Variants in PTPRD observed in about 807,000 individuals in gnomAD.
PTPRD encodes the protein receptor-type tyrosine-protein phosphatase delta.
In PTPRD, 34 loss-of-function variants were observed where a neutral mutation model predicts 214.5. The ratio of observed to expected loss-of-function variants is 0.16; its 90% confidence interval spans 0.12 to 0.21. The LOEUF (loss-of-function observed/expected upper bound fraction) is 0.21. Among genes scored for constraint, PTPRD ranks in the 10% least tolerant of loss-of-function variants. The pLI, the probability that PTPRD is intolerant of heterozygous loss-of-function variation, is 1.00. For missense variants in PTPRD, 2,545 were observed against 2,398.7 expected (o/e 1.06, Z -1.27); for synonymous variants, 1,128 against 845.7 (o/e 1.33, Z -5.79).
intron 37 of PTPRD, among the ~76,000 whole-genome samples, chr9:8,387,327 A>C (rs940632676): frequency 6.6e-6 from 1 of 152,188 alleles, no homozygotes; most frequent in African/African-American, 2.4e-5. Context: ...GCTCATTACC[A>C]TCAGATGTTG....
chr9:9,536,228 A>G (rs2154268287), intron 8 of PTPRD, among the ~76,000 whole-genome samples: 1 of 152,120 alleles, frequency 6.6e-6, no homozygotes, highest in Non-Finnish European at 1.5e-5. Flanking sequence ...GCTTAAGGAC[A>G]GGGAATCTTA....
chr9:9,713,589 A>T (rs1484493437), intron 7 of PTPRD, among the ~76,000 whole-genome samples: 1 of 152,218 alleles, frequency 6.6e-6, no homozygotes, highest in Admixed American at 6.6e-5. Context: ...ATTTTGAGAC[A>T]TTATGCAAGA....
intron 7 of PTPRD, among the ~76,000 whole-genome samples, chr9:9,584,597 C>A (rs2091570330): frequency 6.6e-6 from 1 of 151,872 alleles, no homozygotes; most frequent in African/African-American, 2.4e-5. Flanking sequence ...ACTTCAACTT[C>A]GTTATTCTAC....
Position 9,949,494 on chromosome 9 carries a change from C to T in PTPRD, c.-471-10884G>A, listed in dbSNP as rs536011288. Reference sequence around the variant, plus strand: ...TCCTTCCTCCATCTTCATGTGGATACTTCTTCTTTGCAACAGCCCTCGTAG... The same window carrying T: ...TCCTTCCTCCATCTTCATGTGGATATTTCTTCTTTGCAACAGCCCTCGTAG... On this transcript the variant is annotated intron_variant, in intron 4 of 45. Transcript: ENST00000381196. Among the ~76,000 whole-genome samples the T allele has an allele frequency of 6.6e-5, 9 of 136,722 alleles. No individual in the cohort carries two copies. In the East Asian group the frequency reaches 2.4e-3, roughly 37 times the overall value. 89.7% of individuals were successfully genotyped at this position (136,722 alleles called of 152,430 possible). A position where few individuals can be genotyped will look rare whatever the true frequency, so the allele number is the denominator to read the frequency against.
chr9:10,307,142 C>T (rs750463158), intron 3 of PTPRD, among the ~76,000 whole-genome samples: 10 of 152,070 alleles, frequency 6.6e-5, no homozygotes, highest in Non-Finnish European at 1.5e-4. Flanking sequence ...AGTTACCCTA[C>T]TTTATTATAA....
At chr9:8,871,187 A>G (rs965624648) in intron 11 of PTPRD, among the ~76,000 whole-genome samples, 1 of 152,216 alleles carries the variant, frequency 6.6e-6, no homozygotes. Context: ...TTCAAAACAT[A>G]CAACCAAAAC....
rs2133470421 is a variant in PTPRD, at chr9:8,449,806, T to C, written c.3907A>G (p.Ser1303Gly). 2 of 1,614,108 alleles carry C rather than the reference T, an allele frequency of 1.2e-6. No individual in the cohort carries two copies. Among genetic ancestry groups the C allele is most frequent in the Non-Finnish European group, 1.7e-6 (2 of 1,179,956 alleles). The change falls in exon 34 of 46, where the codon AGC becomes GGC. Residue 1303 changes from serine to glycine, a missense_variant. By Grantham distance (56) the Ser-to-Gly change is moderately conservative. Transcript: ENST00000381196. The stretch of plus-strand genomic sequence containing the variant: ...GGGATCTCCTTATTGTTCGGTATGC[T>C]GCTTTTTCTAGAGTCGGACTCTGCC... ...KRAESDSRKSSIPNNKEIPSH... is the reference protein window; with the variant it reads ...KRAESDSRKSGIPNNKEIPSH...
intron 3 of PTPRD, among the ~76,000 whole-genome samples, chr9:10,046,073 T>G (rs1306848488): frequency 6.6e-6 from 1 of 151,796 alleles, no homozygotes; most frequent in Non-Finnish European, 1.5e-5. Context: ...TTCCTTTAAT[T>G]TGATATACAG....
In PTPRD at chr9:9,452,423, A is replaced by C. The variant is rs529909092; in HGVS notation, c.-236-54941T>G. Among the ~76,000 whole-genome samples, 49 of 151,670 alleles carry C rather than the reference A, an allele frequency of 3.2e-4. 1 individual carries two copies. The South Asian group carries it at 0.01, about 31-fold the overall frequency. On this transcript the variant is annotated intron_variant, in intron 8 of 45. Transcript: ENST00000381196. ...CCAGACTGAATGTGTAAAATTCAAG[A>C]ATGAATAATGGGAAAAAATACTGGT...
At chr9:8,958,248 G>C (rs891826958) in intron 11 of PTPRD, among the ~76,000 whole-genome samples, 7 of 151,806 alleles carry the variant, frequency 4.6e-5, no homozygotes, top group African/African-American at 1.5e-4. Flanking sequence ...TGTCCTGCTT[G>C]CCACTTCTCT....
chr9:9,015,123 T>G (rs1054858940), intron 11 of PTPRD, among the ~76,000 whole-genome samples: 1 of 151,852 alleles, frequency 6.6e-6, no homozygotes. Context: ...TTAAAAAAAT[T>G]AAACAATCAA....
chr9:8,845,749 C>T (rs942043967), intron 11 of PTPRD, among the ~76,000 whole-genome samples: 1 of 152,224 alleles, frequency 6.6e-6, no homozygotes, highest in African/African-American at 2.4e-5. Context: ...AAAGTGTGTG[C>T]TTCACCAGGC....
intron 4 of PTPRD, among the ~76,000 whole-genome samples, chr9:9,951,015 G>A (rs1405820733): frequency 6.6e-6 from 1 of 152,122 alleles, no homozygotes; most frequent in Non-Finnish European, 1.5e-5. Context: ...AAAGTAACAA[G>A]AGATTCTATT....
intron 39 of PTPRD, among the ~76,000 whole-genome samples, chr9:8,344,613 T>C (rs771777335): frequency 2.6e-5 from 4 of 152,056 alleles, no homozygotes; most frequent in Non-Finnish European, 4.4e-5. Context: ...GCTATTCATA[T>C]GGAAGATAGG....
chr9:8,336,529 G>A (rs951188930), intron 43 of PTPRD, among the ~76,000 whole-genome samples: 40 of 145,906 alleles, frequency 2.7e-4, no homozygotes, highest in Non-Finnish European at 4.3e-4. Flanking sequence ...CAGGACATAG[G>A]TATACACAAA....
chr9:8,865,735 T>TG (rs954429619), intron 11 of PTPRD, among the ~76,000 whole-genome samples: 38 of 152,280 alleles, frequency 2.5e-4, no homozygotes, highest in African/African-American at 9.1e-4. Flanking sequence ...GATACCACTG[T>TG]GGCCTGGTTA....
intron 3 of PTPRD, among the ~76,000 whole-genome samples, chr9:10,140,521 C>CACAT (rs2098976609): frequency 6.6e-6 from 1 of 152,040 alleles, no homozygotes; most frequent in Non-Finnish European, 1.5e-5. Context: ...AATTTCTCGA[C>CACAT]ACATACACTC....
chr9:10,417,834 G>A (rs999199160), intron 2 of PTPRD, among the ~76,000 whole-genome samples: 20 of 151,662 alleles, frequency 1.3e-4, no homozygotes, highest in Admixed American at 1.3e-3. Flanking sequence ...TTCACTGTTT[G>A]CATATTCAAA....
chr9:9,422,222 C>T (rs1355985835), intron 8 of PTPRD, among the ~76,000 whole-genome samples: 6 of 152,110 alleles, frequency 3.9e-5, no homozygotes, highest in South Asian at 4.1e-4. Flanking sequence ...AGCTGAGACA[C>T]GAAGGGCACA....
Sources: gnomAD v4.1 joint callset for allele counts (sites outside exome capture counted in the v4.1 genomes callset) on GRCh38, gnomAD v4.1.1 for gene constraint, MANE v1.5 for transcripts, NCBI Gene and HGNC (gene_info 2026-07-23, HGNC 2026-07-21) for gene names.